The following AATK variants were observed in gnomAD, a reference collection of about 807,000 sequenced individuals.
The protein encoded by AATK is serine/threonine-protein kinase LMTK1.
AATK carries 91 observed loss-of-function variants against 114.3 expected under a neutral mutation model. That is an observed-to-expected ratio of 0.80 (90% CI 0.67 to 0.95). The LOEUF (loss-of-function observed/expected upper bound fraction) is 0.95. Ranked by LOEUF, AATK falls within the 40% of genes least tolerant of loss-of-function variation. The pLI is 0.00. For synonymous variants in AATK, 1,075 were observed against 916.5 expected (o/e 1.17, Z -3.12); for missense variants, 2,176 against 1,965.2 (o/e 1.11, Z -2.03).
intron 1 of AATK, among the ~76,000 whole-genome samples, chr17:81,152,012 C>T (rs566945648): frequency 3.9e-5 from 6 of 152,330 alleles, no homozygotes; most frequent in East Asian, 3.9e-4. Context: ...CAGTGGCTCC[C>T]GCCTGTCATC....
chr17:81,138,584 A>C (rs1313372380), intron 1 of AATK, among the ~76,000 whole-genome samples: 2 of 139,396 alleles, frequency 1.4e-5, no homozygotes, highest in South Asian at 2.3e-4. Context: ...GCACATACCC[A>C]CACACGTGCA....
chr17:81,154,312 T>G (rs2061334294), intron 1 of AATK, among the ~76,000 whole-genome samples: 1 of 125,678 alleles, frequency 8.0e-6, no homozygotes, highest in South Asian at 2.6e-4. Flanking sequence ...TTCTTAGTTT[T>G]TTCTTTCTTT....
intron 12 of AATK, 140 bp downstream of exon 12, chr17:81,119,796 C>T (rs868170988): frequency 7.6e-7 from 1 of 1,314,312 alleles, no homozygotes; most frequent in African/African-American, 1.6e-5. Context: ...CCCATGACGA[C>T]ACGGGCCAAA....
intron 1 of AATK, among the ~76,000 whole-genome samples, chr17:81,163,924 C>T (rs1056062376): frequency 6.6e-6 from 1 of 152,238 alleles, no homozygotes; most frequent in Non-Finnish European, 1.5e-5. Flanking sequence ...GAGTGACACA[C>T]AAGCCAACTG....
At chr17:81,153,956 A>G (rs1264548126) in intron 1 of AATK, among the ~76,000 whole-genome samples, 1 of 152,132 alleles carries the variant, frequency 6.6e-6, no homozygotes, top group Admixed American at 6.5e-5. Context: ...CTGTAATACC[A>G]GCTACTCAGG....
At chr17:81,146,823 G>A (rs758191205) in intron 1 of AATK, among the ~76,000 whole-genome samples, 10 of 151,546 alleles carry the variant, frequency 6.6e-5, no homozygotes, top group East Asian at 3.9e-4. Flanking sequence ...TCCAGACAGC[G>A]GGAGTTTGTA....
intron 1 of AATK, among the ~76,000 whole-genome samples, chr17:81,145,617 T>C (rs1255913626): frequency 6.6e-6 from 1 of 150,566 alleles, no homozygotes; most frequent in Non-Finnish European, 1.5e-5. Flanking sequence ...TCTGTAATCC[T>C]AGCTACTCGG....
At chr17:81,124,586 G>A (rs1228083906) in intron 9 of AATK, 141 bp downstream of exon 9, 3 of 1,422,056 alleles carry the variant, frequency 2.1e-6, no homozygotes, top group African/African-American at 2.8e-5. Flanking sequence ...CACCCAACCA[G>A]CCACTTGGGC....
intron 7 of AATK, chr17:81,125,966 T>G (rs756945419): frequency 2.1e-6 from 1 of 479,804 alleles, no homozygotes; most frequent in South Asian, 1.5e-5. Context: ...CCGTGCGGCG[T>G]CTGGGGCTGA....
chr17:81,140,908 G>A (rs1185880002), intron 1 of AATK, among the ~76,000 whole-genome samples: 2 of 106,008 alleles, frequency 1.9e-5, no homozygotes, highest in Admixed American at 8.7e-5. Flanking sequence ...GAGCCGTGGG[G>A]CCGTGGGGCC....
At chr17:81,127,734 A>ATTGGTACAGCCTTTCT in intron 5 of AATK, 58 bp downstream of exon 5, 1 of 1,447,058 alleles carries the variant, frequency 6.9e-7, no homozygotes, top group Non-Finnish European at 9.5e-7. Flanking sequence ...CGGGCCGAGC[A>ATTGGTACAGCCTTTCT]GGGGAGGGAG....
intron 2 of AATK, chr17:81,131,783 C>T (rs2060936305): frequency 2.4e-6 from 3 of 1,233,696 alleles, no homozygotes; most frequent in Non-Finnish European, 3.2e-6. Context: ...CCATCACCCC[C>T]TGCCCCACAG....
chr17:81,124,918 C>T lies in AATK; in HGVS notation c.840+12G>A, dbSNP rs1170906299. On this transcript the variant is annotated intron_variant, in intron 8 of 13. Transcript: ENST00000326724. ...CCCTCATGCCCAGCCCAGCCCACCC[C>T]ACCCCACTCACTCTGTACTTGCAGT... 1.3e-6 allele frequency: 2 copies of T among 1,562,768 alleles called. No individual in the cohort carries two copies. Among genetic ancestry groups the T allele is most frequent in the African/African-American group, 1.4e-5 (1 of 74,046 alleles).
At chr17:81,127,321 G>A (rs1257017112) in intron 6 of AATK, among the ~76,000 whole-genome samples, 1 of 152,096 alleles carries the variant, frequency 6.6e-6, no homozygotes, top group Admixed American at 6.5e-5. Flanking sequence ...CACACAAGCA[G>A]GTGACCAAGC....
chr17:81,139,232 C>T (rs145838845), intron 1 of AATK, among the ~76,000 whole-genome samples: 1 of 152,348 alleles, frequency 6.6e-6, no homozygotes, highest in Non-Finnish European at 1.5e-5. Flanking sequence ...CTCCACTGCC[C>T]TGCTCCAGAT....
chr17:81,142,698 C>T (rs1000953479), intron 1 of AATK, among the ~76,000 whole-genome samples: 10 of 152,294 alleles, frequency 6.6e-5, no homozygotes, highest in East Asian at 3.9e-4. Flanking sequence ...AACAGGCTGC[C>T]GGCTTTGAGT....
rs753167913 is a variant in AATK, at chr17:81,121,607, G to C, written c.2329C>G (p.Gln777Glu). 1.5e-5 allele frequency: 22 copies of C among 1,497,118 alleles called. No homozygotes were observed. The highest frequency in any genetic ancestry group is 2.0e-5 in the Non-Finnish European group (22 of 1,125,032). 92.7% of individuals were successfully genotyped at this position (1,497,118 alleles called of 1,614,324 possible). ...ETASSGGDHP[Q>E]AEPKLATEAE... ...TCCGTGGCAAGCTTGGGCTCTGCCT[G>C]CGGGTGGTCACCCCCACTACTGGCT... The change falls in exon 11 of 14, where the codon CAG (glutamine) becomes GAG (glutamate). Residue 777 changes from glutamine (Q) to glutamate (E), a missense_variant. Coordinates refer to ENST00000326724, the MANE Select transcript of AATK (RefSeq NM_001080395.3).
In AATK at chr17:81,122,268, G is replaced by A. The variant is rs2060709300; in HGVS notation, c.1668C>T (p.Ala556=). 4 of 1,497,682 alleles carry A rather than the reference G, an allele frequency of 2.7e-6. No homozygotes were observed. The highest frequency in any genetic ancestry group is 3.5e-6 in the Non-Finnish European group (4 of 1,129,554). The allele number at this position is 1,497,682 out of a possible 1,614,324, so 92.8% of individuals were successfully genotyped here. Residue 556 remains alanine, a synonymous_variant, in exon 11 of 14, where the codon GCC becomes GCT. Transcript: ENST00000326724. ...DCAGCAPSPP[A]TADQDDDSDG... ...CAGAGTCGTCGTCCTGGTCCGCGGTGGCAGGTGGACTGGGGGCGCAGCCGG... is the reference window on the plus strand; with the variant it reads ...CAGAGTCGTCGTCCTGGTCCGCGGTAGCAGGTGGACTGGGGGCGCAGCCGG...
chr17:81,127,495 CAAG>C, intron 6 of AATK, 85 bp downstream of exon 6: 1 of 1,350,156 alleles, frequency 7.4e-7, no homozygotes, highest in Non-Finnish European at 1.0e-6. Flanking sequence ...GTGAGGCCCC[CAAG>C]GAGGGGGTGG....
Sources: gnomAD v4.1 joint callset for allele counts (sites outside exome capture counted in the v4.1 genomes callset) on GRCh38, gnomAD v4.1.1 for gene constraint, MANE v1.5 for transcripts, NCBI Gene and HGNC (gene_info 2026-07-23, HGNC 2026-07-21) for gene names.